TRIP12: variants seen among roughly 807,000 people sequenced by gnomAD.
TRIP12 encodes E3 ubiquitin-protein ligase TRIP12.
TRIP12 carries 25 observed loss-of-function variants against 244.2 expected under a neutral mutation model. That is an observed-to-expected ratio of 0.10 (90% CI 0.07 to 0.14). The LOEUF is 0.14. Ranked by LOEUF, TRIP12 falls within the 10% of genes least tolerant of loss-of-function variation. TRIP12 has a pLI of 1.00. For missense variants in TRIP12, 1,677 were observed against 2,486.4 expected (o/e 0.67, Z 6.92); for synonymous variants, 905 against 873.1 (o/e 1.04, Z -0.64).
chr2:229,880,329 T>C (rs990572474), intron 1 of TRIP12, among the ~76,000 whole-genome samples: 27 of 152,218 alleles, frequency 1.8e-4, no homozygotes, highest in African/African-American at 6.5e-4. Flanking sequence ...GTGTAACATA[T>C]TCAAGCCATG....
Position 229,838,927 on chromosome 2 carries a change from A to C in TRIP12, c.1133+1895T>G, listed in dbSNP as rs1239106191. Among the ~76,000 whole-genome samples, 3 of 152,196 alleles carry C rather than the reference A, an allele frequency of 2.0e-5. No homozygotes were observed. The East Asian group carries it at 5.8e-4, about 29-fold the overall frequency. On this transcript the variant is annotated intron_variant, in intron 5 of 41. Transcript: ENST00000675903. ...CTTATGTCGCTATTGTAACACCGCC[A>C]AGAGTAGAGATAAGAACCAAAAGAA... is the stretch of plus-strand genomic sequence containing the variant.
intron 18 of TRIP12, among the ~76,000 whole-genome samples, chr2:229,805,322 A>C (rs1243557728): frequency 2.0e-5 from 3 of 152,206 alleles, no homozygotes; most frequent in African/African-American, 7.2e-5. Flanking sequence ...GGGACAGATA[A>C]ATGTCAGAAA....
chr2:229,873,635 C>T (rs1237387965), intron 2 of TRIP12, among the ~76,000 whole-genome samples: 1 of 152,110 alleles, frequency 6.6e-6, no homozygotes, highest in African/African-American at 2.4e-5. Flanking sequence ...TCTTTTTGTA[C>T]TTTTCTGCAT....
rs1334348058 is a variant in TRIP12, at chr2:229,884,226, TTTTTC to T, written c.-49-4103_-49-4099del. Among the ~76,000 whole-genome samples, 585 of 145,088 alleles carry T rather than the reference TTTTTC, an allele frequency of 4.0e-3. 2 individuals are homozygous for T. Among genetic ancestry groups the T allele is most frequent in the African/African-American group, 0.014 (556 of 39,394 alleles). ...AACTTAAACTAAAAACATTTTGCAA[TTTTTC>T]TTTTCTTTTTTTTTTTTTTTTTTGA... On this transcript the variant is annotated intron_variant, in intron 1 of 41. Coordinates refer to ENST00000675903, the MANE Select transcript of TRIP12 (RefSeq NM_001348323.3).
At chr2:229,817,998 G>A (rs1042355503) in intron 9 of TRIP12, among the ~76,000 whole-genome samples, 2 of 152,022 alleles carry the variant, frequency 1.3e-5, no homozygotes, top group African/African-American at 2.4e-5. Flanking sequence ...CTGGCCCCCC[G>A]ACACAACCCA....
chr2:229,801,334 T>G (rs2044279047), intron 21 of TRIP12, among the ~76,000 whole-genome samples: 1 of 152,228 alleles, frequency 6.6e-6, no homozygotes, highest in African/African-American at 2.4e-5. Context: ...TAAGCTGGAC[T>G]AGAAAACTGC....
chr2:229,848,905 A>G (rs2058100759), intron 4 of TRIP12, among the ~76,000 whole-genome samples: 1 of 152,248 alleles, frequency 6.6e-6, no homozygotes, highest in African/African-American at 2.4e-5. Flanking sequence ...ACATTTTCAG[A>G]CATCTAAATT....
intron 32 of TRIP12, among the ~76,000 whole-genome samples, chr2:229,788,488 G>A (rs574971247): frequency 6.6e-6 from 1 of 152,294 alleles, no homozygotes; most frequent in Non-Finnish European, 1.5e-5. Context: ...GACCCAAGCA[G>A]GCTCAGAGAA....
intron 2 of TRIP12, among the ~76,000 whole-genome samples, chr2:229,871,360 T>C (rs923359228): frequency 2.0e-5 from 3 of 152,234 alleles, no homozygotes; most frequent in African/African-American, 7.2e-5. Flanking sequence ...CCAAATCTCA[T>C]GTTGAAATGT....
intron 1 of TRIP12, among the ~76,000 whole-genome samples, chr2:229,888,514 A>G (rs2066538044): frequency 6.6e-6 from 1 of 152,208 alleles, no homozygotes; most frequent in African/African-American, 2.4e-5. Context: ...AAAATAAATC[A>G]GGATAGTGGT....
At chr2:229,918,343 C>T (rs113081459) in intron 1 of TRIP12, among the ~76,000 whole-genome samples, 3 of 152,062 alleles carry the variant, frequency 2.0e-5, no homozygotes, top group Admixed American at 6.6e-5. Context: ...TTGAGTCCAT[C>T]AAATAGCAAA....
At chr2:229,922,519 G>A (rs758158081), upstream of TRIP12, 7 of 1,613,720 alleles carry the variant, frequency 4.3e-6, no homozygotes, top group African/African-American at 1.3e-5. Context: ...CCAAGATGGC[G>A]TCGTGGCTGC....
intron 21 of TRIP12, among the ~76,000 whole-genome samples, chr2:229,799,913 TG>T (rs2043841465): frequency 1.3e-5 from 2 of 152,244 alleles, no homozygotes; most frequent in African/African-American, 4.8e-5. Flanking sequence ...TTAACTATAC[TG>T]AACTATGAAA....
intron 4 of TRIP12, among the ~76,000 whole-genome samples, chr2:229,847,640 T>A (rs1158976689): frequency 1.3e-5 from 2 of 152,124 alleles, no homozygotes; most frequent in Non-Finnish European, 2.9e-5. Flanking sequence ...AAAGCTGAGA[T>A]TAACTACCAA....
At chr2:229,789,490 A>T in intron 31 of TRIP12, 121 bp downstream of exon 31, 1 of 1,213,834 alleles carries the variant, frequency 8.2e-7, no homozygotes, top group Non-Finnish European at 1.1e-6. Flanking sequence ...TGATGAGTAC[A>T]TTGTACTTTA....
chr2:229,801,051 C>T (rs1057124058), intron 21 of TRIP12, among the ~76,000 whole-genome samples: 1 of 152,134 alleles, frequency 6.6e-6, no homozygotes, highest in Non-Finnish European at 1.5e-5. Flanking sequence ...TACAGTAAAA[C>T]CCTGCAATAA....
intron 1 of TRIP12, among the ~76,000 whole-genome samples, chr2:229,883,618 A>T (rs534394162): frequency 6.6e-6 from 1 of 152,302 alleles, no homozygotes; most frequent in African/African-American, 2.4e-5. Flanking sequence ...ACTAATCAAG[A>T]TTTTTCACAT....
chr2:229,874,709 G>C (rs920269341), intron 2 of TRIP12, among the ~76,000 whole-genome samples: 1 of 152,004 alleles, frequency 6.6e-6, no homozygotes, highest in Non-Finnish European at 1.5e-5. Flanking sequence ...GTATAGAAAA[G>C]ACTGTAAGAA....
Position 229,799,274 on chromosome 2 carries a change from A to G in TRIP12, c.3307+9T>C, listed in dbSNP as rs2043601867. The G allele has an allele frequency of 1.2e-6, 2 of 1,613,506 alleles. No individual in the cohort carries two copies. Among genetic ancestry groups the G allele is most frequent in the East Asian group, 4.5e-5 (2 of 44,870 alleles). Reference sequence around the variant, plus strand: ...CTTTACCTCCCCATAGTTTCATCAAAGGGGTTACCTTGATTGTCTACTTTG... The same window carrying G: ...CTTTACCTCCCCATAGTTTCATCAAGGGGGTTACCTTGATTGTCTACTTTG... On this transcript the variant is annotated intron_variant, in intron 22 of 41. Transcript: ENST00000675903.
Sources: allele counts gnomAD v4.1 joint callset (sites outside exome capture counted in the v4.1 genomes callset), GRCh38; gene constraint gnomAD v4.1.1; transcripts MANE v1.5; gene names NCBI Gene and HGNC (gene_info 2026-07-23, HGNC 2026-07-21).